The following GPC5 variants were observed in gnomAD, a reference collection of about 807,000 sequenced individuals.
GPC5 encodes glypican-5.
GPC5 carries 47 observed loss-of-function variants against 53.9 expected under a neutral mutation model. The ratio of observed to expected loss-of-function variants is 0.87; its 90% CI spans 0.69 to 1.11. The LOEUF (loss-of-function observed/expected upper bound fraction) is 1.11, where lower values mean the gene tolerates loss of function less well. GPC5 is among the 50% of genes most tolerant of loss of function. The pLI, the probability that GPC5 is intolerant of heterozygous loss-of-function variation, is 0.00. For missense variants in GPC5, 748 were observed against 713.1 expected (o/e 1.05, Z -0.56); for synonymous variants, 286 against 263.3 (o/e 1.09, Z -0.84).
At chr13:92,141,371 A>C (rs2138978811) in intron 6 of GPC5, among the ~76,000 whole-genome samples, 1 of 152,164 alleles carries the variant, frequency 6.6e-6, no homozygotes, top group East Asian at 1.9e-4. Flanking sequence ...TCACGCAATT[A>C]TATTTCTTGC....
intron 7 of GPC5, among the ~76,000 whole-genome samples, chr13:92,586,719 C>G (rs1214730050): frequency 6.6e-6 from 1 of 152,074 alleles, no homozygotes; most frequent in Non-Finnish European, 1.5e-5. Context: ...CCTGCCCTGC[C>G]CCTAAAGATC....
chr13:91,492,837 C>T lies in GPC5; in HGVS notation c.325+43915C>T, dbSNP rs183669456. On this transcript the variant is annotated intron_variant, in intron 2 of 7. Coordinates refer to ENST00000377067, the MANE Select transcript of GPC5 (RefSeq NM_004466.6). Reference sequence around the variant, plus strand: ...ATCTTGTTCTCTTTGTTCTGTCAGCCACCCACTCCGTGGACATACCTTGTT... The same window carrying T: ...ATCTTGTTCTCTTTGTTCTGTCAGCTACCCACTCCGTGGACATACCTTGTT... Among the ~76,000 whole-genome samples, 4 of 152,316 alleles carry T rather than the reference C, an allele frequency of 2.6e-5. 1 individual carries two copies. The East Asian group carries it at 7.7e-4, about 29-fold the overall frequency.
At position 91,873,564 on chromosome 13, in the gene GPC5, G is replaced by A. The variant is rs184395799; in HGVS notation, c.1281-34373G>A. 1.8e-4 allele frequency among the ~76,000 whole-genome samples: 28 copies of A among 152,254 alleles called. No individual in the cohort carries two copies. In the East Asian group the frequency reaches 4.5e-3, roughly 24 times the overall value. On this transcript the variant is annotated intron_variant, in intron 5 of 7. Coordinates refer to ENST00000377067, the MANE Select transcript of GPC5 (RefSeq NM_004466.6). Reference sequence around the variant, plus strand: ...CCCTGCACAAGCTCTCTTGTCGGCCGCCATGTGAGACATGGCTTTCACCTT... The same window carrying A: ...CCCTGCACAAGCTCTCTTGTCGGCCACCATGTGAGACATGGCTTTCACCTT...
chr13:92,668,022 T>C (rs112934525), intron 7 of GPC5, among the ~76,000 whole-genome samples: 156 of 152,330 alleles, frequency 1.0e-3, no homozygotes, highest in African/African-American at 3.7e-3. Flanking sequence ...TGCTTTAAAA[T>C]TTAAAAATAT....
At chr13:92,332,680 A>G (rs1012651433) in intron 7 of GPC5, among the ~76,000 whole-genome samples, 3 of 152,234 alleles carry the variant, frequency 2.0e-5, no homozygotes, top group East Asian at 3.8e-4. Flanking sequence ...AAATATTTCA[A>G]TATAATTTGG....
chr13:92,607,510 CT>C lies in GPC5; in HGVS notation c.1562-258765del, dbSNP rs545588749. 2.2e-3 allele frequency among the ~76,000 whole-genome samples: 333 copies of C among 152,134 alleles called. 3 individuals carry two copies. The highest frequency in any genetic ancestry group is 7.9e-3 in the African/African-American group (327 of 41,520). On this transcript the variant is annotated intron_variant, in intron 7 of 7. Transcript: ENST00000377067. Reference sequence around the variant, plus strand: ...TCTCAGACATAAAAATAAGAACAGACTTTTTTTCCTTCTCCCTCTAATGGAA... The same window carrying C: ...TCTCAGACATAAAAATAAGAACAGACTTTTTTCCTTCTCCCTCTAATGGAA...
intron 2 of GPC5, among the ~76,000 whole-genome samples, chr13:91,639,966 T>C (rs1022368862): frequency 6.6e-6 from 1 of 152,196 alleles, no homozygotes; most frequent in African/African-American, 2.4e-5. Flanking sequence ...TTGGGTTTTA[T>C]TCACTATGTC....
rs149603023 is a variant in GPC5 at position 92,301,910 on chromosome 13, A to T, written c.1561+156921A>T. On this transcript the variant is annotated intron_variant, in intron 7 of 7. Transcript: ENST00000377067. ...AAGACTGTCTCAAAAATAAATAAAT[A>T]AATTAATTAATTAATTAATATCGAC... 8.5e-3 allele frequency among the ~76,000 whole-genome samples: 1,299 copies of T among 152,140 alleles called. 8 individuals carry two copies. The highest frequency in any genetic ancestry group is 0.02 in the African/African-American group (811 of 41,502).
intron 5 of GPC5, among the ~76,000 whole-genome samples, chr13:91,761,955 A>G (rs984866261): frequency 5.9e-5 from 9 of 152,332 alleles, no homozygotes; most frequent in Middle Eastern, 6.8e-3. Context: ...CAACTTTAGC[A>G]TACAAAAAGC....
At chr13:92,017,697 G>A (rs986014504) in intron 6 of GPC5, among the ~76,000 whole-genome samples, 7 of 152,094 alleles carry the variant, frequency 4.6e-5, no homozygotes, top group African/African-American at 1.4e-4. Context: ...AGACCCATGT[G>A]TGTCTATACA....
At chr13:92,306,623 A>G (rs2043112561) in intron 7 of GPC5, among the ~76,000 whole-genome samples, 1 of 152,316 alleles carries the variant, frequency 6.6e-6, no homozygotes, top group Non-Finnish European at 1.5e-5. Context: ...TGGTGGCCCC[A>G]GAGGGCCTTA....
intron 5 of GPC5, among the ~76,000 whole-genome samples, chr13:91,869,680 G>A (rs2039122553): frequency 6.6e-6 from 1 of 152,206 alleles, no homozygotes; most frequent in East Asian, 1.9e-4. Flanking sequence ...GCTATAAAGA[G>A]CTACCTGGGA....
intron 7 of GPC5, among the ~76,000 whole-genome samples, chr13:92,801,780 T>C (rs1876917357): frequency 6.6e-6 from 1 of 151,650 alleles, no homozygotes; most frequent in Admixed American, 6.6e-5. Flanking sequence ...ATTTAAAAAA[T>C]GTAAAACTAA....
At chr13:92,447,403 C>T (rs1229762285) in intron 7 of GPC5, 1 of 151,946 alleles carries the variant, frequency 6.6e-6, no homozygotes, top group Non-Finnish European at 1.5e-5. Context: ...TAAAGTATAA[C>T]TTATACATGA....
At chr13:92,429,713 A>G (rs1877001271) in intron 7 of GPC5, among the ~76,000 whole-genome samples, 1 of 152,128 alleles carries the variant, frequency 6.6e-6, no homozygotes, top group Admixed American at 6.6e-5. Flanking sequence ...ATTTATTTGC[A>G]AAGATGTGTA....
At chr13:91,759,344 A>T (rs537135659) in intron 5 of GPC5, among the ~76,000 whole-genome samples, 2 of 152,104 alleles carry the variant, frequency 1.3e-5, no homozygotes, top group African/African-American at 2.4e-5. Flanking sequence ...GGTACCCATC[A>T]ACTCAAGCAC....
At chr13:91,587,972 C>A (rs1284023255) in intron 2 of GPC5, among the ~76,000 whole-genome samples, 3 of 152,082 alleles carry the variant, frequency 2.0e-5, no homozygotes, top group East Asian at 1.9e-4. Flanking sequence ...TAATGTGGAA[C>A]CTTGCAGTAA....
intron 6 of GPC5, among the ~76,000 whole-genome samples, chr13:92,051,599 A>G (rs375696636): frequency 1.3e-5 from 2 of 152,202 alleles, no homozygotes; most frequent in East Asian, 3.9e-4. Context: ...ACTCGTCAGT[A>G]TCACAGAGAT....
chr13:91,916,042 A>G (rs1281864746), intron 6 of GPC5, among the ~76,000 whole-genome samples: 1 of 152,242 alleles, frequency 6.6e-6, no homozygotes, highest in Admixed American at 6.5e-5. Flanking sequence ...AGCACAAGGC[A>G]TGTGGCTAAA....
Sources: allele counts gnomAD v4.1 joint callset (sites outside exome capture counted in the v4.1 genomes callset), GRCh38; gene constraint gnomAD v4.1.1; transcripts MANE v1.5; gene names NCBI Gene and HGNC (gene_info 2026-07-23, HGNC 2026-07-21).